TLE1: variants seen among roughly 807,000 people sequenced by gnomAD.
TLE1 encodes the protein TLE family member 1, transcriptional corepressor.
A neutral mutation model predicts 89.8 loss-of-function variants in TLE1; 21 were observed. That is an observed-to-expected ratio of 0.23 (90% CI 0.17 to 0.34). The LOEUF is 0.34. Among genes scored for constraint, TLE1 ranks in the 10% least tolerant of loss-of-function variants. TLE1 has a pLI of 1.00. For missense variants in TLE1, 795 were observed against 1,031.2 expected, an observed-to-expected ratio of 0.77 and a Z score of 3.14; for synonymous variants, 447 against 407.6, an observed-to-expected ratio of 1.10 and a Z score of -1.16.
chr9:81,671,499 GC>G, intron 4 of TLE1, among the ~76,000 whole-genome samples: 1 of 152,196 alleles, frequency 6.6e-6, no homozygotes, highest in African/African-American at 2.4e-5. Context: ...ACAAAAATTA[GC>G]AGGGCGTGGT....
Position 81,634,172 on chromosome 9 carries a change from A to T in TLE1, c.502T>A (p.Ser168Thr). The T allele has an allele frequency of 6.3e-7, 1 of 1,599,460 alleles. No individual in the cohort carries two copies. Among genetic ancestry groups the T allele is most frequent in the East Asian group, 2.2e-5 (1 of 44,640 alleles). Residue 168 changes from serine (S) to threonine (T), a missense_variant, in exon 7 of 20, where the codon TCT (serine) becomes ACT (threonine). Coordinates refer to ENST00000376499, the MANE Select transcript of TLE1 (RefSeq NM_005077.5). ...TGAGACTGCCCACTCAGAGCACTAG[A>T]CAGCGCAAGAAGGCCGGCACTGCCC... Reference protein sequence around the residue: ...LGGSAGLLALSSALSGQSHLA... With the variant: ...LGGSAGLLALTSALSGQSHLA...
chr9:81,652,363 A>G, intron 5 of TLE1, 75 bp from the exon 6 acceptor site: 1 of 1,308,548 alleles, frequency 7.6e-7, no homozygotes, highest in Non-Finnish European at 1.1e-6. Flanking sequence ...ACAAAAAGTC[A>G]AATGCTGTGT....
Position 81,625,934 on chromosome 9 carries a change from G to T in TLE1, c.595-5377C>A, listed in dbSNP as rs1050027305. On this transcript the variant is annotated intron_variant, in intron 8 of 19. Coordinates refer to ENST00000376499, the MANE Select transcript of TLE1 (RefSeq NM_005077.5). Reference sequence around the variant, plus strand: ...ACTAAAAAAAAAAAAAAAAAAAAAAGCAACTTTAATAAAATGCTGCCCTGT... The same window carrying T: ...ACTAAAAAAAAAAAAAAAAAAAAAATCAACTTTAATAAAATGCTGCCCTGT... Among the ~76,000 whole-genome samples, 9 of 50,412 alleles carry T rather than the reference G, an allele frequency of 1.8e-4. No homozygotes were observed. In the South Asian group the frequency reaches 5.2e-3, roughly 29 times the overall value. The allele number at this position is 50,412 out of a possible 152,430, so 33.1% of individuals were successfully genotyped here.
At chr9:81,617,588 G>A (rs1824706747) in intron 9 of TLE1, among the ~76,000 whole-genome samples, 1 of 152,092 alleles carries the variant, frequency 6.6e-6, no homozygotes, top group Non-Finnish European at 1.5e-5. Context: ...TGCAGTCACA[G>A]CTATTCAGGC....
intron 16 of TLE1, among the ~76,000 whole-genome samples, chr9:81,588,272 G>T (rs982402999): frequency 6.6e-6 from 1 of 152,182 alleles, no homozygotes; most frequent in African/African-American, 2.4e-5. Flanking sequence ...AGAAAGAAAT[G>T]GGGACGTTAC....
chr9:81,648,549 T>C (rs1047496617), intron 6 of TLE1, among the ~76,000 whole-genome samples: 1 of 152,174 alleles, frequency 6.6e-6, no homozygotes, highest in African/African-American at 2.4e-5. Flanking sequence ...CTCTATATTA[T>C]CCCTCGATTA....
intron 4 of TLE1, among the ~76,000 whole-genome samples, chr9:81,654,249 GTAA>G (rs1439552000): frequency 6.6e-6 from 1 of 152,146 alleles, no homozygotes; most frequent in Non-Finnish European, 1.5e-5. Flanking sequence ...ACACTTCATT[GTAA>G]TAAGAGATGA....
intron 8 of TLE1, among the ~76,000 whole-genome samples, chr9:81,632,476 T>C (rs1449257057): frequency 4.4e-4 from 5 of 11,476 alleles, no homozygotes; most frequent in Admixed American, 3.1e-3. Flanking sequence ...TCAGTATCCC[T>C]TTTTTTTTTT....
At chr9:81,654,515 C>T (rs183143752) in intron 4 of TLE1, among the ~76,000 whole-genome samples, 1 of 151,986 alleles carries the variant, frequency 6.6e-6, no homozygotes, top group Non-Finnish European at 1.5e-5. Context: ...TAATTTTTTT[C>T]TATTTTTAGT....
Position 81,685,692 on chromosome 9 carries a change from A to G in TLE1, c.218T>C (p.Ile73Thr). 1.2e-6 allele frequency: 2 copies of G among 1,613,706 alleles called. No individual in the cohort carries two copies. The highest frequency in any genetic ancestry group is 1.7e-6 in the Non-Finnish European group (2 of 1,179,730). The change falls in exon 4 of 20, where the codon ATT becomes ACT. Residue 73 changes from isoleucine (I) to threonine (T), a missense_variant. Ile to Thr is a moderately conservative substitution (Grantham distance 89). Transcript: ENST00000376499. Reference sequence around the variant, plus strand: ...AAAGCTTACCTGTTTGTGCATTTCAATGTTTAATCCATATGACATTTCATA... The same window carrying G: ...AAAGCTTACCTGTTTGTGCATTTCAGTGTTTAATCCATATGACATTTCATA... ...MYYEMSYGLNIEMHKQTEIAK... is the reference protein window; with the variant it reads ...MYYEMSYGLNTEMHKQTEIAK...
Position 81,583,992 on chromosome 9 carries a change from G to C in TLE1, c.*206C>G, listed in dbSNP as rs1290895252. The C allele has an allele frequency of 1.8e-6, 1 of 558,258 alleles. No homozygotes were observed. Among genetic ancestry groups the C allele is most frequent in the Non-Finnish European group, 3.2e-6 (1 of 313,150 alleles). The allele number at this position is 558,258 out of a possible 1,614,324, so 34.6% of individuals were successfully genotyped here. Reference sequence around the variant, plus strand: ...TGGCCCCTCTGTCCGCTTGGCCTTGGTGCTCCATTTGGTCTATGTAGACAG... The same window carrying C: ...TGGCCCCTCTGTCCGCTTGGCCTTGCTGCTCCATTTGGTCTATGTAGACAG... On this transcript the variant is annotated 3_prime_UTR_variant, in exon 20 of 20. Coordinates refer to ENST00000376499, the MANE Select transcript of TLE1 (RefSeq NM_005077.5).
intron 10 of TLE1, 90 bp downstream of exon 10, chr9:81,616,556 G>GGCCT: frequency 7.1e-7 from 1 of 1,400,594 alleles, no homozygotes; most frequent in Non-Finnish European, 1.0e-6. Context: ...CCCCACCGAG[G>GGCCT]GGCTCTACTT....
intron 13 of TLE1, among the ~76,000 whole-genome samples, chr9:81,610,853 T>G (rs1823620749): frequency 6.6e-6 from 1 of 151,900 alleles, no homozygotes; most frequent in South Asian, 2.1e-4. Flanking sequence ...ATTTAATGCT[T>G]AAGGATTCAT....
intron 4 of TLE1, among the ~76,000 whole-genome samples, chr9:81,674,378 C>T (rs1259163937): frequency 6.6e-6 from 1 of 152,182 alleles, no homozygotes; most frequent in East Asian, 1.9e-4. Flanking sequence ...GAAACAAAGA[C>T]TATGCTCCTG....
At chr9:81,626,056 G>A (rs1050543337) in intron 8 of TLE1, among the ~76,000 whole-genome samples, 2 of 151,976 alleles carry the variant, frequency 1.3e-5, no homozygotes, top group African/African-American at 4.8e-5. Flanking sequence ...ACCACCAGCA[G>A]CAAAATGGAA....
intron 8 of TLE1, among the ~76,000 whole-genome samples, chr9:81,626,402 A>T (rs1825912716): frequency 6.6e-6 from 1 of 152,046 alleles, no homozygotes; most frequent in South Asian, 2.1e-4. Context: ...TCAAGCCATC[A>T]CCCTGCGCTG....
intron 4 of TLE1, among the ~76,000 whole-genome samples, chr9:81,681,356 G>A (rs1004067182): frequency 2.0e-5 from 3 of 152,154 alleles, no homozygotes; most frequent in African/African-American, 7.2e-5. Context: ...TTCGAGACCA[G>A]CCTAGCCAAT....
At chr9:81,634,343 G>A (rs1827099473) in intron 6 of TLE1, 42 bp from the exon 7 acceptor site, 3 of 1,422,462 alleles carry the variant, frequency 2.1e-6, no homozygotes, top group Non-Finnish European at 1.9e-6. Context: ...AGGAGGAGGA[G>A]GAGGTAGTGG....
Position 81,596,488 on chromosome 9 carries a change from T to G in TLE1, c.1332-3214A>C, listed in dbSNP as rs542689895. ...TATTCACCTACAATAATAACAGAGCTTTTTCAATAAAAGGCCACACTGAGG... is the reference window on the plus strand; with the variant it reads ...TATTCACCTACAATAATAACAGAGCGTTTTCAATAAAAGGCCACACTGAGG... On this transcript the variant is annotated intron_variant, in intron 14 of 19. Coordinates refer to ENST00000376499, the MANE Select transcript of TLE1 (RefSeq NM_005077.5). 6.6e-5 allele frequency among the ~76,000 whole-genome samples: 10 copies of G among 152,076 alleles called. No homozygotes were observed. In the East Asian group the frequency reaches 1.7e-3, roughly 27 times the overall value.
Sources: allele counts gnomAD v4.1 joint callset (sites outside exome capture counted in the v4.1 genomes callset), GRCh38; gene constraint gnomAD v4.1.1; transcripts MANE v1.5; gene names NCBI Gene and HGNC (gene_info 2026-07-23, HGNC 2026-07-21).